Variants in TNFSF4 observed in about 807,000 individuals in gnomAD.
The protein encoded by TNFSF4 is TNF superfamily member 4, also known as tumor necrosis factor ligand superfamily member 4.
A neutral mutation model predicts 7.3 loss-of-function variants in TNFSF4; 4 were observed. That is an observed-to-expected ratio of 0.55 (90% CI 0.27 to 1.25). The LOEUF is 1.25. TNFSF4 is among the 50% of genes most tolerant of loss of function. TNFSF4 has a pLI of 0.12. For synonymous variants in TNFSF4, 76 were observed against 83.7 expected, an observed-to-expected ratio of 0.91 and a Z score of 0.50; for missense variants, 181 against 208.8, an observed-to-expected ratio of 0.87 and a Z score of 0.82.
At chr1:173,277,484 G>A in the TNFSF4 span, among the ~76,000 whole-genome samples, 1 of 151,708 alleles carries the variant, frequency 6.6e-6, no homozygotes, top group Non-Finnish European at 1.5e-5. Flanking sequence ...AAAAATATGA[G>A]AGGAGAAGAG....
the TNFSF4 span, among the ~76,000 whole-genome samples, chr1:173,408,088 G>A: frequency 7.2e-5 from 11 of 152,266 alleles, no homozygotes; most frequent in African/African-American, 2.4e-4. Context: ...CAGATCTGTG[G>A]AAAATACACT....
chr1:173,289,231 T>C, the TNFSF4 span, among the ~76,000 whole-genome samples: 1 of 152,134 alleles, frequency 6.6e-6, no homozygotes, highest in Admixed American at 6.6e-5. Context: ...ACCATCTGTG[T>C]AGATGGCATA....
chr1:173,281,264 T>C, the TNFSF4 span, among the ~76,000 whole-genome samples: 1 of 152,036 alleles, frequency 6.6e-6, no homozygotes, highest in Non-Finnish European at 1.5e-5. Flanking sequence ...GATTTCAATA[T>C]ATGGAAGAAT....
chr1:173,239,419 T>G, the TNFSF4 span, among the ~76,000 whole-genome samples: 33 of 152,290 alleles, frequency 2.2e-4, no homozygotes, highest in African/African-American at 7.2e-4. Context: ...GAATCTTAAT[T>G]CTTCTCTCAA....
the TNFSF4 span, among the ~76,000 whole-genome samples, chr1:173,385,779 C>T: frequency 6.6e-6 from 1 of 151,936 alleles, no homozygotes; most frequent in African/African-American, 2.4e-5. Flanking sequence ...ACAGATGTTT[C>T]AGTGAGCCAT....
the TNFSF4 span, among the ~76,000 whole-genome samples, chr1:173,434,137 A>C: frequency 3.9e-5 from 6 of 152,250 alleles, no homozygotes; most frequent in Non-Finnish European, 7.3e-5. Flanking sequence ...CACCAGAATC[A>C]TAAGACACAC....
At chr1:173,195,390 T>C (rs543180151) in intron 1 of TNFSF4, among the ~76,000 whole-genome samples, 19 of 152,350 alleles carry the variant, frequency 1.2e-4, no homozygotes, top group Admixed American at 2.6e-4. Flanking sequence ...AAAACTGTCC[T>C]GGCAAGGAAC....
At chr1:173,414,852 G>A in the TNFSF4 span, among the ~76,000 whole-genome samples, 4 of 152,206 alleles carry the variant, frequency 2.6e-5, no homozygotes, top group African/African-American at 7.2e-5. Flanking sequence ...CTTTGTGAGT[G>A]CTGGCAAAGA....
At chr1:173,400,693 G>A in the TNFSF4 span, among the ~76,000 whole-genome samples, 1 of 152,228 alleles carries the variant, frequency 6.6e-6, no homozygotes, top group African/African-American at 2.4e-5. Context: ...AATGGAGTAA[G>A]GAAGAGTATA....
At chr1:173,182,235 C>CAAT (rs1649067342), downstream of TNFSF4, among the ~76,000 whole-genome samples, 1 of 138,322 alleles carries the variant, frequency 7.2e-6, no homozygotes, top group Non-Finnish European at 1.5e-5. Flanking sequence ...TTTTGTTCAA[C>CAAT]TGATAGAAAA....
At chr1:173,402,276 T>C in the TNFSF4 span, among the ~76,000 whole-genome samples, 1 of 152,194 alleles carries the variant, frequency 6.6e-6, no homozygotes, top group Non-Finnish European at 1.5e-5. Flanking sequence ...TGATTTGCCA[T>C]AGGACCTTGG....
the TNFSF4 span, among the ~76,000 whole-genome samples, chr1:173,274,725 A>C: frequency 6.6e-6 from 1 of 152,166 alleles, no homozygotes; most frequent in Non-Finnish European, 1.5e-5. Context: ...AAATTAATAC[A>C]GTAAGAATTC....
chr1:173,231,468 G>A, the TNFSF4 span, among the ~76,000 whole-genome samples: 185 of 152,232 alleles, frequency 1.2e-3, 2 homozygotes, highest in African/African-American at 4.2e-3. Context: ...AGCTATTTAT[G>A]ACAAACCCAC....
At chr1:173,369,939 C>T in the TNFSF4 span, among the ~76,000 whole-genome samples, 1 of 152,086 alleles carries the variant, frequency 6.6e-6, no homozygotes, top group African/African-American at 2.4e-5. Context: ...CTCCCTATAG[C>T]TCCTCTTCCT....
the TNFSF4 span, among the ~76,000 whole-genome samples, chr1:173,330,110 C>A: frequency 6.6e-6 from 1 of 151,972 alleles, no homozygotes; most frequent in South Asian, 2.1e-4. Flanking sequence ...ATAAATAAGT[C>A]CAATTTGGAG....
chr1:173,388,239 C>T, the TNFSF4 span, among the ~76,000 whole-genome samples: 1 of 152,184 alleles, frequency 6.6e-6, no homozygotes, highest in Non-Finnish European at 1.5e-5. Flanking sequence ...TTGTTCCATA[C>T]CAACCTTCAA....
the TNFSF4 span, among the ~76,000 whole-genome samples, chr1:173,318,904 A>G: frequency 1.8e-4 from 27 of 152,144 alleles, no homozygotes; most frequent in African/African-American, 6.5e-4. Context: ...GGTCTCAAAT[A>G]CAAAACTGGG....
At chr1:173,374,945 C>T in the TNFSF4 span, among the ~76,000 whole-genome samples, 1 of 152,182 alleles carries the variant, frequency 6.6e-6, no homozygotes, top group Non-Finnish European at 1.5e-5. Flanking sequence ...TAGGATTTCT[C>T]AGTTTGCAAG....
chr1:173,191,340 T>C (rs987799520), intron 1 of TNFSF4, among the ~76,000 whole-genome samples: 2 of 152,170 alleles, frequency 1.3e-5, no homozygotes, highest in Non-Finnish European at 2.9e-5. Context: ...GAAGGTCACA[T>C]AGGGGTAGAA....
Sources: allele counts gnomAD v4.1 joint callset (sites outside exome capture counted in the v4.1 genomes callset), GRCh38; gene constraint gnomAD v4.1.1; transcripts MANE v1.5; gene names NCBI Gene and HGNC (gene_info 2026-07-23, HGNC 2026-07-21).